Variants in TMEM9 observed in about 807,000 individuals in gnomAD.
The protein encoded by TMEM9 is proton-transporting V-type ATPase complex assembly regulator TMEM9.
Under a neutral mutation model 22.8 loss-of-function variants are expected in TMEM9, and 13 were observed. That is an observed-to-expected ratio of 0.57 (90% CI 0.37 to 0.91). TMEM9 has a LOEUF of 0.91. Ranked by LOEUF, TMEM9 falls within the 40% of genes least tolerant of loss-of-function variation. The probability of loss-of-function intolerance (pLI) is 0.01; values close to 1 mark genes in which losing one functional copy is unlikely to be tolerated. For synonymous variants in TMEM9, 88 were observed against 93.0 expected (o/e 0.95, Z 0.31); for missense variants, 182 against 238.1 (o/e 0.76, Z 1.55).
chr1:201,149,704 T>G (rs1665268790), intron 2 of TMEM9, among the ~76,000 whole-genome samples: 1 of 152,176 alleles, frequency 6.6e-6, no homozygotes, highest in Non-Finnish European at 1.5e-5. Flanking sequence ...GGTGCAAGTG[T>G]TCTTTAGCAT....
chr1:201,165,111 A>G (rs1429544871), intron 1 of TMEM9, among the ~76,000 whole-genome samples: 1 of 147,724 alleles, frequency 6.8e-6, no homozygotes, highest in African/African-American at 2.5e-5. Context: ...TTTTTCTTTA[A>G]TGAGGACACA....
At chr1:201,139,315 T>C (rs1300107042) in intron 4 of TMEM9, among the ~76,000 whole-genome samples, 2 of 152,222 alleles carry the variant, frequency 1.3e-5, no homozygotes, top group Non-Finnish European at 2.9e-5. Flanking sequence ...ATGGTCCTAG[T>C]GCAAAGCCCT....
chr1:201,136,293 C>G (rs913126148), intron 4 of TMEM9, among the ~76,000 whole-genome samples: 1 of 152,190 alleles, frequency 6.6e-6, no homozygotes, highest in Non-Finnish European at 1.5e-5. Flanking sequence ...GCCCCCAGGG[C>G]TAGTACTAGG....
intron 3 of TMEM9, 60 bp downstream of exon 3, chr1:201,146,680 G>T: frequency 6.7e-7 from 1 of 1,494,768 alleles, no homozygotes; most frequent in Non-Finnish European, 9.3e-7. Context: ...GTGTAGGCCA[G>T]TCTGCGATTG....
intron 4 of TMEM9, among the ~76,000 whole-genome samples, chr1:201,140,925 A>G (rs1043241787): frequency 6.6e-6 from 1 of 152,062 alleles, no homozygotes; most frequent in Non-Finnish European, 1.5e-5. Context: ...TCCTCTGTGC[A>G]CTGAGAGGGG....
chr1:201,139,949 C>T (rs1306318603), intron 4 of TMEM9, among the ~76,000 whole-genome samples: 6 of 152,338 alleles, frequency 3.9e-5, no homozygotes, highest in South Asian at 4.1e-4. Flanking sequence ...TCTGTTGAAC[C>T]GCACATCTTT....
At position 201,154,178 on chromosome 1, in the gene TMEM9, G is replaced by C; in HGVS notation, c.-255C>G. On this transcript the variant is annotated 5_prime_UTR_variant, in exon 1 of 5. Coordinates refer to ENST00000367330, the MANE Select transcript of TMEM9 (RefSeq NM_001288565.2). ...GAGCCCGGCAGAGGGGTCCTCGAGGGGACACCGCTGCCAGGGGCCTCCAGT... is the reference window on the plus strand; with the variant it reads ...GAGCCCGGCAGAGGGGTCCTCGAGGCGACACCGCTGCCAGGGGCCTCCAGT... 2.2e-6 allele frequency: 1 copy of C among 460,110 alleles called. No homozygotes were observed. The highest frequency in any genetic ancestry group is 4.0e-5 in the Admixed American group (1 of 25,132). 28.5% of individuals were successfully genotyped at this position (460,110 alleles called of 1,614,324 possible).
At chr1:201,164,729 T>C (rs1403924717) in intron 1 of TMEM9, among the ~76,000 whole-genome samples, 1 of 152,294 alleles carries the variant, frequency 6.6e-6, no homozygotes, top group Non-Finnish European at 1.5e-5. Flanking sequence ...ACGTGCTTTA[T>C]TCTCAGACAG....
Position 201,154,015 on chromosome 1 carries a change from A to C in TMEM9, c.-92T>G, listed in dbSNP as rs1558117564. ...GGAAGGTGGCCACACCGCAGCCAGC[A>C]CGCTAGGCCCTTAACCATCCGGCCA... On this transcript the variant is annotated 5_prime_UTR_variant, in exon 1 of 5. Transcript: ENST00000367330. 2.1e-6 allele frequency: 3 copies of C among 1,456,210 alleles called. No homozygotes were observed. In the East Asian group the frequency reaches 7.2e-5, roughly 35 times the overall value. The allele number at this position is 1,456,210 out of a possible 1,614,324, so 90.2% of individuals were successfully genotyped here. A position where few individuals can be genotyped will look rare whatever the true frequency, so the allele number is the denominator to read the frequency against.
At chr1:201,168,011 A>G (rs1012017865) in intron 1 of TMEM9, among the ~76,000 whole-genome samples, 2 of 152,184 alleles carry the variant, frequency 1.3e-5, no homozygotes. Flanking sequence ...ATTAAATCAT[A>G]CAGTAACTAC....
Position 201,146,861 on chromosome 1 carries a change from G to C in TMEM9, c.159-13C>G. Reference sequence around the variant, plus strand: ...GTGCAGGCAGTTGCTACAACAGAGAGAGACAGGGCTGTCGAGGCAGGGCCA... The same window carrying C: ...GTGCAGGCAGTTGCTACAACAGAGACAGACAGGGCTGTCGAGGCAGGGCCA... On this transcript the variant is annotated splice_polypyrimidine_tract_variant and intron_variant, in intron 2 of 4. Coordinates refer to ENST00000367330, the MANE Select transcript of TMEM9 (RefSeq NM_001288565.2). 6.2e-7 allele frequency: 1 copy of C among 1,613,064 alleles called. No homozygotes were observed. Among genetic ancestry groups the C allele is most frequent in the Non-Finnish European group, 8.5e-7 (1 of 1,179,128 alleles).
intron 1 of TMEM9, among the ~76,000 whole-genome samples, chr1:201,166,814 A>C (rs1666089985): frequency 1.3e-5 from 2 of 152,218 alleles, no homozygotes; most frequent in African/African-American, 4.8e-5. Context: ...GTACAGCTGC[A>C]TGAATTTTTA....
intron 1 of TMEM9, among the ~76,000 whole-genome samples, chr1:201,159,781 ACT>A (rs1000591259): frequency 6.6e-6 from 1 of 151,880 alleles, no homozygotes; most frequent in Non-Finnish European, 1.5e-5. Flanking sequence ...TAAATGACAA[ACT>A]CTACCTGGTT....
At chr1:201,144,236 G>C (rs765384130) in intron 3 of TMEM9, 6 of 320,288 alleles carry the variant, frequency 1.9e-5, no homozygotes, top group South Asian at 8.8e-5. Context: ...CTGATGCCGA[G>C]AGGCTCCCGG....
At chr1:201,144,035 C>G (rs1411234444) in intron 3 of TMEM9, 84 bp from the exon 4 acceptor site, 1 of 1,510,664 alleles carries the variant, frequency 6.6e-7, no homozygotes, top group Non-Finnish European at 9.0e-7. Flanking sequence ...CATCTGTGTC[C>G]GGCTGGCAGT....
intron 1 of TMEM9, among the ~76,000 whole-genome samples, chr1:201,169,563 G>A (rs578260703): frequency 6.6e-6 from 1 of 152,268 alleles, no homozygotes; most frequent in Non-Finnish European, 1.5e-5. Flanking sequence ...AACAGCTGTA[G>A]GAAATGGAAC....
At chr1:201,158,423 G>T (rs1665856853), upstream of TMEM9, among the ~76,000 whole-genome samples, 1 of 126,216 alleles carries the variant, frequency 7.9e-6, no homozygotes, top group Non-Finnish European at 1.7e-5. Context: ...GGTGAGGAGG[G>T]CATTCTGGTG....
intron 1 of TMEM9, among the ~76,000 whole-genome samples, chr1:201,165,012 A>G (rs1004969919): frequency 6.6e-6 from 1 of 151,914 alleles, no homozygotes; most frequent in Non-Finnish European, 1.5e-5. Context: ...CTAAGCAGGG[A>G]AAAAACAGAT....
chr1:201,135,636 G>A lies in TMEM9; in HGVS notation c.*27C>T, dbSNP rs781444030. On this transcript the variant is annotated 3_prime_UTR_variant, in exon 5 of 5. Coordinates refer to ENST00000367330, the MANE Select transcript of TMEM9 (RefSeq NM_001288565.2). ...TGGAAGCTGGCAGCCATGGTGTTGG[G>A]GCCTTGACCCAACCACACCAGCCCA... 6.3e-7 allele frequency: 1 copy of A among 1,576,730 alleles called. No individual in the cohort carries two copies.
Sources: allele counts gnomAD v4.1 joint callset (sites outside exome capture counted in the v4.1 genomes callset), GRCh38; gene constraint gnomAD v4.1.1; transcripts MANE v1.5; gene names NCBI Gene and HGNC (gene_info 2026-07-23, HGNC 2026-07-21).